The following TMEM131 variants were observed in gnomAD, a reference collection of about 807,000 sequenced individuals.
The protein encoded by TMEM131 is transmembrane protein 131.
A neutral mutation model predicts 211.6 loss-of-function variants in TMEM131; 66 were observed. The ratio of observed to expected loss-of-function variants is 0.31; its 90% CI spans 0.26 to 0.38. The LOEUF (loss-of-function observed/expected upper bound fraction) is 0.38, where lower values mean the gene tolerates loss of function less well. TMEM131 is among the 10% of genes least tolerant of loss of function. The probability of loss-of-function intolerance (pLI) is 1.00; values close to 1 mark genes in which losing one functional copy is unlikely to be tolerated. For missense variants in TMEM131, 2,036 were observed against 2,299.3 expected, an observed-to-expected ratio of 0.89 and a Z score of 2.34; for synonymous variants, 844 against 841.3, an observed-to-expected ratio of 1.00 and a Z score of -0.06.
intron 11 of TMEM131, among the ~76,000 whole-genome samples, chr2:97,824,951 G>T (rs1181452208): frequency 2.6e-5 from 4 of 152,178 alleles, no homozygotes; most frequent in African/African-American, 9.7e-5. Flanking sequence ...TCTATATCCA[G>T]TTGTACCCAA....
At chr2:97,992,665 CATA>C (rs1415990810) in intron 1 of TMEM131, among the ~76,000 whole-genome samples, 2 of 152,108 alleles carry the variant, frequency 1.3e-5, no homozygotes, top group Non-Finnish European at 2.9e-5. Flanking sequence ...ATTTGCCAGT[CATA>C]ATGGGCTGCT....
At chr2:97,809,078 T>C (rs938167396) in intron 19 of TMEM131, among the ~76,000 whole-genome samples, 2 of 152,206 alleles carry the variant, frequency 1.3e-5, no homozygotes, top group African/African-American at 4.8e-5. Context: ...GTGTCCTCTA[T>C]TTCTTTCTGC....
chr2:97,984,193 A>T (rs980702619), intron 1 of TMEM131, among the ~76,000 whole-genome samples: 1 of 152,182 alleles, frequency 6.6e-6, no homozygotes, highest in Non-Finnish European at 1.5e-5. Flanking sequence ...AATTATACCA[A>T]TTACATAATA....
At chr2:97,783,634 C>T (rs1286324438) in intron 31 of TMEM131, among the ~76,000 whole-genome samples, 1 of 151,614 alleles carries the variant, frequency 6.6e-6, no homozygotes, top group Non-Finnish European at 1.5e-5. Context: ...AAGAGATACA[C>T]TAAAAAATGC....
chr2:97,762,424 T>A, intron 35 of TMEM131: 2 of 448,820 alleles, frequency 4.5e-6, no homozygotes, highest in Non-Finnish European at 7.9e-6. Context: ...CGGTCCCTGC[T>A]GTGTTGTGTG....
At position 97,776,637 on chromosome 2, in the gene TMEM131, T is replaced by C. The variant is rs77317230; in HGVS notation, c.4145-619A>G. On this transcript the variant is annotated intron_variant, in intron 31 of 40. Coordinates refer to ENST00000186436, the MANE Select transcript of TMEM131 (RefSeq NM_015348.2). ...GTATGTCTGTCTCAGAATGTTCTTA[T>C]ATTCTCCAAAGGGTGATAGAGCTTT... Among the ~76,000 whole-genome samples the C allele has an allele frequency of 5.1e-4, 78 of 152,334 alleles. 1 individual carries two copies. The highest frequency in any genetic ancestry group is 1.8e-3 in the African/African-American group (74 of 41,582).
At chr2:97,872,188 A>G (rs1014783067) in intron 4 of TMEM131, among the ~76,000 whole-genome samples, 2 of 152,206 alleles carry the variant, frequency 1.3e-5, no homozygotes, top group African/African-American at 4.8e-5. Context: ...CAGGGTAATG[A>G]CAGGAGTCAG....
At chr2:97,943,099 A>AAGAAAGAAAGAG (rs1677874553) in intron 1 of TMEM131, among the ~76,000 whole-genome samples, 3 of 148,630 alleles carry the variant, frequency 2.0e-5, no homozygotes, top group South Asian at 4.3e-4. Flanking sequence ...GAAAGAAAGA[A>AAGAAAGAAAGAG]AGAGCTGGGT....
chr2:97,758,844 C>T (rs747983700), intron 40 of TMEM131, 49 bp downstream of exon 40: 10 of 1,561,424 alleles, frequency 6.4e-6, no homozygotes, highest in East Asian at 2.4e-5. Context: ...TGGCAGATGG[C>T]GAGTGGGTGG....
chr2:97,928,454 G>A (rs1035706436), intron 1 of TMEM131, among the ~76,000 whole-genome samples: 1 of 151,756 alleles, frequency 6.6e-6, no homozygotes, highest in Non-Finnish European at 1.5e-5. Flanking sequence ...AGCACAAAAA[G>A]TGAATCTAAA....
At chr2:97,794,827 C>A in intron 29 of TMEM131, 103 bp downstream of exon 29, 1 of 941,724 alleles carries the variant, frequency 1.1e-6, no homozygotes, top group Non-Finnish European at 1.5e-6. Context: ...GTCTTGTTTG[C>A]TGGCATATCC....
intron 2 of TMEM131, 70 bp from the exon 3 acceptor site, chr2:97,908,768 C>T: frequency 7.9e-7 from 1 of 1,259,530 alleles, no homozygotes; most frequent in Non-Finnish European, 1.1e-6. Flanking sequence ...TATGGAATAT[C>T]CAAAATATTC....
rs142464676 is a variant in TMEM131 at position 97,844,544 on chromosome 2, T to C, written c.484-283A>G. On this transcript the variant is annotated intron_variant, in intron 5 of 40. Coordinates refer to ENST00000186436, the MANE Select transcript of TMEM131 (RefSeq NM_015348.2). ...TGGCATGAAGTACCTAATTACAGGC[T>C]GTTCCACGATGAGACAATCAGATAG... is the stretch of plus-strand genomic sequence containing the variant. Among the ~76,000 whole-genome samples the C allele has an allele frequency of 3.7e-3, 570 of 152,336 alleles. 3 individuals carry two copies. Among genetic ancestry groups the C allele is most frequent in the African/African-American group, 0.013 (544 of 41,558 alleles).
intron 1 of TMEM131, among the ~76,000 whole-genome samples, chr2:97,972,414 AAAAGGAAAG>A (rs1259825971): frequency 1.4e-5 from 2 of 144,672 alleles, no homozygotes; most frequent in Non-Finnish European, 3.0e-5. Context: ...AAAGAAAAGA[AAAAGGAAAG>A]AAAGGAAAGA....
At position 97,942,969 on chromosome 2, in the gene TMEM131, AAAG is replaced by A. The variant is rs1330955601; in HGVS notation, c.188-15485_188-15483del. Among the ~76,000 whole-genome samples the A allele has an allele frequency of 3.6e-5, 5 of 137,540 alleles. No individual in the cohort carries two copies. The East Asian group carries it at 1.0e-3, about 28-fold the overall frequency. 90.2% of individuals were successfully genotyped at this position (137,540 alleles called of 152,430 possible). ...ACATACCATGGCTACAAAAAAAAAG[AAAG>A]AAAGAAAGAAAGAAAAGAAAGAAAA... is the stretch of plus-strand genomic sequence containing the variant. On this transcript the variant is annotated intron_variant, in intron 1 of 40. Transcript: ENST00000186436.
At chr2:97,823,678 T>C (rs2100057) in intron 11 of TMEM131, among the ~76,000 whole-genome samples, 1,985 of 152,284 alleles carry the variant, frequency 0.013, 24 homozygotes, top group Non-Finnish European at 0.021. Flanking sequence ...TGACCTGTGT[T>C]CTGGAAGGAC....
chr2:97,830,091 T>C (rs902470487), intron 11 of TMEM131, among the ~76,000 whole-genome samples: 3 of 146,736 alleles, frequency 2.0e-5, no homozygotes, highest in African/African-American at 7.6e-5. Context: ...TGAAAACTCA[T>C]GTTTTATACA....
At chr2:97,968,327 A>G (rs1010597035) in intron 1 of TMEM131, among the ~76,000 whole-genome samples, 5 of 152,118 alleles carry the variant, frequency 3.3e-5, no homozygotes, top group Admixed American at 1.3e-4. Flanking sequence ...TATATTATGT[A>G]TATCTCAATG....
At chr2:97,953,720 A>G (rs1034891081) in intron 1 of TMEM131, among the ~76,000 whole-genome samples, 1 of 152,296 alleles carries the variant, frequency 6.6e-6, no homozygotes, top group Non-Finnish European at 1.5e-5. Context: ...CCTTTAAGCT[A>G]CCGTGGACCA....
Sources: allele counts gnomAD v4.1 joint callset (sites outside exome capture counted in the v4.1 genomes callset), GRCh38; gene constraint gnomAD v4.1.1; transcripts MANE v1.5; gene names NCBI Gene and HGNC (gene_info 2026-07-23, HGNC 2026-07-21).